TCF20: variants seen among roughly 807,000 people sequenced by gnomAD.
TCF20 encodes the protein SPRE-binding protein.
In TCF20, 3 loss-of-function variants were observed where a neutral mutation model predicts 148.6. That is an observed-to-expected ratio of 0.02 (90% CI 0.01 to 0.05). TCF20 has a LOEUF of 0.05. Among genes scored for constraint, TCF20 ranks in the 10% least tolerant of loss-of-function variants. The pLI, the probability that TCF20 is intolerant of heterozygous loss-of-function variation, is 1.00. For synonymous variants in TCF20, 1,049 were observed against 909.5 expected (o/e 1.15, Z -2.76); for missense variants, 2,350 against 2,429.3 (o/e 0.97, Z 0.69).
At chr22:42,179,037 T>TAAA (rs60142024) in intron 3 of TCF20, among the ~76,000 whole-genome samples, 1 of 120,964 alleles carries the variant, frequency 8.3e-6, no homozygotes, top group African/African-American at 3.0e-5. Flanking sequence ...TGGCTACAAT[T>TAAA]AAAAAAAAAA....
chr22:42,229,455 A>G (rs1923202390), intron 1 of TCF20, among the ~76,000 whole-genome samples: 2 of 152,180 alleles, frequency 1.3e-5, no homozygotes, highest in African/African-American at 4.8e-5. Flanking sequence ...AGCATCTACT[A>G]TGTGCTGGGC....
At chr22:42,224,534 C>CAAAAAAAA (rs66858906) in intron 1 of TCF20, among the ~76,000 whole-genome samples, 14 of 39,566 alleles carry the variant, frequency 3.5e-4, no homozygotes, top group South Asian at 1.5e-3. Context: ...AAAGCTGGTA[C>CAAAAAAAA]AAAAAAAAAA....
In TCF20 at chr22:42,160,129, G is replaced by T. The variant is rs1332207615; in HGVS notation, c.*1274C>A. ...TTATCCCCATGGCAGAGTGACCCCTGAAAGATGCACTAACCCCTTCTTAAG... is the reference window on the plus strand; with the variant it reads ...TTATCCCCATGGCAGAGTGACCCCTTAAAGATGCACTAACCCCTTCTTAAG... On this transcript the variant is annotated 3_prime_UTR_variant, in exon 6 of 6. Transcript: ENST00000677622. The T allele has an allele frequency of 1.3e-5, 2 of 152,446 alleles. No homozygotes were observed. Among genetic ancestry groups the T allele is most frequent in the Non-Finnish European group, 2.9e-5 (2 of 68,024 alleles). The allele number at this position is 152,446 out of a possible 1,614,324, so 9.4% of individuals were successfully genotyped here.
At chr22:42,271,890 G>A (rs995027800), upstream of TCF20, among the ~76,000 whole-genome samples, 20 of 152,268 alleles carry the variant, frequency 1.3e-4, no homozygotes, top group Non-Finnish European at 2.5e-4. Flanking sequence ...ACAGCTTCCC[G>A]GGGCCTGCTT....
chr22:42,207,998 C>T (rs914762554), intron 2 of TCF20, among the ~76,000 whole-genome samples: 1 of 152,152 alleles, frequency 6.6e-6, no homozygotes, highest in African/African-American at 2.4e-5. Context: ...GACCAGCCTG[C>T]CTGGGCAACA....
Position 42,214,424 on chromosome 22 carries a change from A to G in TCF20, c.882T>C (p.Pro294=), listed in dbSNP as rs776932102. 2 of 1,614,132 alleles carry G rather than the reference A, an allele frequency of 1.2e-6. No individual in the cohort carries two copies. The highest frequency in any genetic ancestry group is 1.3e-5 in the African/African-American group (1 of 75,012). The change falls in exon 2 of 6, where the codon CCT becomes CCC. Residue 294 remains proline, a synonymous_variant. Transcript: ENST00000677622. Reference sequence around the variant, plus strand: ...CCTGTTCAAAATTCTTCATAGATTGAGGCTGATAGCTGTAATTGGATTGTG... The same window carrying G: ...CCTGTTCAAAATTCTTCATAGATTGGGGCTGATAGCTGTAATTGGATTGTG... ...YGTQSNYSYQ[P]QSMKNFEQAK...
intron 2 of TCF20, among the ~76,000 whole-genome samples, chr22:42,194,300 T>C (rs968357251): frequency 2.6e-5 from 4 of 152,232 alleles, no homozygotes; most frequent in Non-Finnish European, 5.9e-5. Flanking sequence ...GAGAACAGAA[T>C]GCTGGGTCAG....
chr22:42,236,965 C>T (rs181050030), intron 1 of TCF20, among the ~76,000 whole-genome samples: 4 of 152,272 alleles, frequency 2.6e-5, no homozygotes, highest in Admixed American at 1.3e-4. Context: ...TTTTTGCTGA[C>T]GGAGGGTCTT....
At chr22:42,273,226 G>A (rs557751029), upstream of TCF20, among the ~76,000 whole-genome samples, 18 of 151,948 alleles carry the variant, frequency 1.2e-4, no homozygotes, top group Admixed American at 3.9e-4. Flanking sequence ...TGGGCGTGGT[G>A]GCGGGCGCCT....
At chr22:42,194,722 G>A (rs1487759680) in intron 2 of TCF20, among the ~76,000 whole-genome samples, 1 of 152,094 alleles carries the variant, frequency 6.6e-6, no homozygotes, top group Non-Finnish European at 1.5e-5. Context: ...TGGTGGAGGA[G>A]ACTGGCAAAG....
In TCF20 at chr22:42,213,571, C is replaced by T; in HGVS notation, c.1735G>A (p.Glu579Lys). The T allele has an allele frequency of 1.9e-6, 3 of 1,614,206 alleles. No homozygotes were observed. Among genetic ancestry groups the T allele is most frequent in the Non-Finnish European group, 2.5e-6 (3 of 1,180,038 alleles). Residue 579 changes from glutamate to lysine, a missense_variant, in exon 2 of 6, where the codon GAA (glutamate) becomes AAA (lysine). Around this residue, in one of 7 missense-constraint regions of TCF20, gnomAD observed 1,641 missense variants for 1,662.6 expected, o/e 0.99. Transcript: ENST00000677622. ...TTAGCGCCTGGTGAGGTGGCCTCTT[C>T]TCTTGCGGCAGGACTAGCATTGAGT... is the stretch of plus-strand genomic sequence containing the variant. Reference protein sequence around the residue: ...PRLNASPAAREEATSPGAKDM... With the variant: ...PRLNASPAARKEATSPGAKDM...
At chr22:42,207,077 G>A (rs1331988414) in intron 2 of TCF20, among the ~76,000 whole-genome samples, 3 of 152,196 alleles carry the variant, frequency 2.0e-5, no homozygotes, top group African/African-American at 7.2e-5. Context: ...CAGAGCTTGG[G>A]GAGGCCTCAG....
At chr22:42,262,770 C>T (rs879337302) in intron 1 of TCF20, among the ~76,000 whole-genome samples, 1 of 152,072 alleles carries the variant, frequency 6.6e-6, no homozygotes, top group Admixed American at 6.5e-5. Context: ...CTCTGAGAAC[C>T]CTCCAGTGAC....
At chr22:42,295,442 C>CT (rs869294446) in intron 1 of TCF20, among the ~76,000 whole-genome samples, 3,787 of 134,614 alleles carry the variant, frequency 0.028, 87 homozygotes, top group Non-Finnish European at 0.038. Flanking sequence ...GTTTTCTTTT[C>CT]TTTTTTTTTT....
rs1171024135 is a variant in TCF20 at position 42,161,128 on chromosome 22, C to A, written c.*275G>T. The A allele has an allele frequency of 4.6e-6, 2 of 430,432 alleles. No homozygotes were observed. The highest frequency in any genetic ancestry group is 8.2e-6 in the Non-Finnish European group (2 of 244,276). The allele number at this position is 430,432 out of a possible 1,614,324, so 26.7% of individuals were successfully genotyped here. On this transcript the variant is annotated 3_prime_UTR_variant, in exon 6 of 6. Coordinates refer to ENST00000677622, the MANE Select transcript of TCF20 (RefSeq NM_001378418.1). ...CATCATCCCACCCCTCCCCCCTCCC[C>A]CCACATTGTCACTATGGAGATTGTG...
At position 42,323,899 on chromosome 22, in the gene TCF20, G is replaced by GTGGTGGTAGTGGTGA; in HGVS notation, c.-37+19579_-37+19580insTCACCACTACCACCA. ...GGTGGTGGTGATGGAGGTTATGGTG[G>GTGGTGGTAGTGGTGA]TGGAGGTGGTGGTGGTGATGGAGGT... On this transcript the variant is annotated intron_variant, in intron 1 of 1. Transcript: ENST00000515426. Among the ~76,000 whole-genome samples, 4 of 96,202 alleles carry GTGGTGGTAGTGGTGA rather than the reference G, an allele frequency of 4.2e-5. 2 individuals carry two copies. Among genetic ancestry groups the GTGGTGGTAGTGGTGA allele is most frequent in the Admixed American group, 2.3e-4 (2 of 8,804 alleles). 63.1% of individuals were successfully genotyped at this position (96,202 alleles called of 152,430 possible).
rs1601544553 is a variant in TCF20, at chr22:42,185,942, T to C, written c.5656-6240A>G. Among the ~76,000 whole-genome samples the C allele has an allele frequency of 3.3e-5, 5 of 152,202 alleles. No individual in the cohort carries two copies. In the East Asian group the frequency reaches 9.6e-4, roughly 29 times the overall value. On this transcript the variant is annotated intron_variant, in intron 2 of 5. Transcript: ENST00000677622. ...AGTCAACCTCAGAGGGACAGAGACT[T>C]GTCCAGTTCTTCTCAGGTCCATTTA...
chr22:42,202,628 T>C (rs947544248), intron 2 of TCF20, among the ~76,000 whole-genome samples: 7 of 152,212 alleles, frequency 4.6e-5, no homozygotes, highest in Admixed American at 3.9e-4. Context: ...TCCAATAAAT[T>C]GGACGAATCT....
intron 1 of TCF20, among the ~76,000 whole-genome samples, chr22:42,220,858 C>T (rs1215829473): frequency 6.6e-6 from 1 of 152,186 alleles, no homozygotes; most frequent in Admixed American, 6.5e-5. Context: ...CCACTTTCTC[C>T]AAACTCCAGG....
Sources: allele counts gnomAD v4.1 joint callset (sites outside exome capture counted in the v4.1 genomes callset), GRCh38; gene constraint gnomAD v4.1.1; regional missense constraint gnomAD v4.1.1; transcripts MANE v1.5; gene names NCBI Gene and HGNC (gene_info 2026-07-23, HGNC 2026-07-21).